DNAJB6: variants seen among roughly 807,000 people sequenced by gnomAD.
The protein encoded by DNAJB6 is DnaJ heat shock protein family (Hsp40) member B6.
In DNAJB6, 16 loss-of-function variants were observed where a neutral mutation model predicts 42.7. The observed-to-expected ratio is 0.37, with a 90% CI of 0.25 to 0.57. The LOEUF is 0.57. DNAJB6 is among the 20% of genes least tolerant of loss of function. The pLI, the probability that DNAJB6 is intolerant of heterozygous loss-of-function variation, is 0.74. For synonymous variants in DNAJB6, 170 were observed against 163.5 expected (o/e 1.04, Z -0.30); for missense variants, 347 against 416.8 (o/e 0.83, Z 1.46).
chr7:157,369,195 A>G, intron 5 of DNAJB6: 3 of 441,902 alleles, frequency 6.8e-6, no homozygotes, highest in South Asian at 4.8e-5. Context: ...TGCCATCAGC[A>G]GAAACAGAGC....
Position 157,382,430 on chromosome 7 carries a change from TA to T in DNAJB6, c.478+57del, listed in dbSNP as rs1584924595. 3.9e-6 allele frequency: 6 copies of T among 1,538,864 alleles called. No individual in the cohort carries two copies. The East Asian group carries it at 1.4e-4, about 35-fold the overall frequency. ...TTATCTTAACAGCAGTTAGTACTTA[TA>T]AAATCATAATACTCTTTTAGTTAGA... is the stretch of plus-strand genomic sequence containing the variant. On this transcript the variant is annotated intron_variant, in intron 6 of 9. Coordinates refer to ENST00000262177, the MANE Select transcript of DNAJB6 (RefSeq NM_058246.4).
intron 5 of DNAJB6, among the ~76,000 whole-genome samples, chr7:157,375,420 G>A (rs1209213759): frequency 1.3e-5 from 2 of 152,160 alleles, no homozygotes; most frequent in East Asian, 1.9e-4. Flanking sequence ...CTTTGACTTC[G>A]ATAGATTTTT....
At chr7:157,338,950 G>A (rs142956146) in intron 1 of DNAJB6, among the ~76,000 whole-genome samples, 181 of 152,306 alleles carry the variant, frequency 1.2e-3, no homozygotes, top group African/African-American at 3.9e-3. Flanking sequence ...AATTTGAGAT[G>A]AGTTCAGCAC....
intron 8 of DNAJB6, among the ~76,000 whole-genome samples, chr7:157,396,117 T>C (rs1041669715): frequency 3.3e-5 from 5 of 151,900 alleles, no homozygotes; most frequent in African/African-American, 1.2e-4. Context: ...CCAGCTAATA[T>C]TTTGCATTTT....
chr7:157,407,217 C>T (rs1427358631), intron 8 of DNAJB6, among the ~76,000 whole-genome samples: 1 of 152,242 alleles, frequency 6.6e-6, no homozygotes, highest in Non-Finnish European at 1.5e-5. Flanking sequence ...CCCATTTTCC[C>T]TCCGCGTGGA....
At chr7:157,373,313 A>G (rs947267267) in intron 5 of DNAJB6, among the ~76,000 whole-genome samples, 1 of 152,176 alleles carries the variant, frequency 6.6e-6, no homozygotes, top group Non-Finnish European at 1.5e-5. Flanking sequence ...CAAATTTTGA[A>G]AGGTGAAAGG....
At chr7:157,362,388 T>G in intron 2 of DNAJB6, among the ~76,000 whole-genome samples, 1 of 152,124 alleles carries the variant, frequency 6.6e-6, no homozygotes, top group African/African-American at 2.4e-5. Context: ...TTTAAAAATT[T>G]TTTGAGACGG....
chr7:157,386,371 C>T (rs1174698672), intron 8 of DNAJB6: 3 of 951,772 alleles, frequency 3.2e-6, no homozygotes, highest in Admixed American at 6.2e-5. Context: ...TCTAGTGTCA[C>T]TTTAATAGCG....
chr7:157,373,494 G>A (rs1800320280), intron 5 of DNAJB6, among the ~76,000 whole-genome samples: 1 of 152,120 alleles, frequency 6.6e-6, no homozygotes, highest in African/African-American at 2.4e-5. Flanking sequence ...GGGATTTCAG[G>A]TACCCACCAC....
chr7:157,366,897 G>C (rs1169136472), intron 4 of DNAJB6, among the ~76,000 whole-genome samples: 1 of 152,188 alleles, frequency 6.6e-6, no homozygotes, highest in African/African-American at 2.4e-5. Context: ...CTAAAATAAT[G>C]ACTTTGAAGG....
chr7:157,357,982 C>T (rs1347955113), intron 1 of DNAJB6, among the ~76,000 whole-genome samples: 1 of 152,194 alleles, frequency 6.6e-6, no homozygotes, highest in African/African-American at 2.4e-5. Flanking sequence ...TTAACGCTAA[C>T]TGCTGTGTAG....
intron 8 of DNAJB6, among the ~76,000 whole-genome samples, chr7:157,405,784 G>A (rs535789779): frequency 7.9e-5 from 12 of 152,358 alleles, no homozygotes; most frequent in South Asian, 2.1e-4. Flanking sequence ...GGCCGAGTCC[G>A]AGGCGAGAGC....
chr7:157,397,792 C>T (rs1441597718), intron 8 of DNAJB6, among the ~76,000 whole-genome samples: 2 of 152,196 alleles, frequency 1.3e-5, no homozygotes, highest in African/African-American at 4.8e-5. Flanking sequence ...TCATCCTTCT[C>T]AATTCAGCTT....
chr7:157,408,409 G>A (rs918427384), intron 8 of DNAJB6, among the ~76,000 whole-genome samples: 1 of 152,348 alleles, frequency 6.6e-6, no homozygotes, highest in Non-Finnish European at 1.5e-5. Context: ...CCCTGTGGGC[G>A]CCGTGCTGTG....
At chr7:157,388,379 T>G (rs1406638836) in intron 8 of DNAJB6, among the ~76,000 whole-genome samples, 1 of 152,182 alleles carries the variant, frequency 6.6e-6, no homozygotes, top group Non-Finnish European at 1.5e-5. Flanking sequence ...CTTGGAAGAA[T>G]AATAGCATTT....
intron 5 of DNAJB6, among the ~76,000 whole-genome samples, chr7:157,373,292 C>T (rs914497512): frequency 2.0e-5 from 3 of 152,198 alleles, no homozygotes; most frequent in Non-Finnish European, 4.4e-5. Context: ...TTGAAATTCA[C>T]AGCCAAGCAG....
At chr7:157,363,400 G>T in intron 3 of DNAJB6, 130 bp downstream of exon 3, 1 of 578,828 alleles carries the variant, frequency 1.7e-6, no homozygotes, top group Non-Finnish European at 3.1e-6. Flanking sequence ...TGGATTTTGG[G>T]CCCTTCTAAG....
chr7:157,384,818 A>T (rs1800971706), intron 6 of DNAJB6, 49 bp from the exon 7 acceptor site: 10 of 1,568,006 alleles, frequency 6.4e-6, no homozygotes, highest in Non-Finnish European at 8.7e-6. Flanking sequence ...TCTTTGCATT[A>T]CTAGTTGACA....
At chr7:157,366,054 T>TGA (rs896432952) in intron 3 of DNAJB6, among the ~76,000 whole-genome samples, 21 of 151,982 alleles carry the variant, frequency 1.4e-4, no homozygotes, top group African/African-American at 5.1e-4. Flanking sequence ...GGGTTCCAGC[T>TGA]ATTCTCTTGC....
Sources: allele counts gnomAD v4.1 joint callset (sites outside exome capture counted in the v4.1 genomes callset), GRCh38; gene constraint gnomAD v4.1.1; transcripts MANE v1.5; gene names NCBI Gene and HGNC (gene_info 2026-07-23, HGNC 2026-07-21).